Variants in GRIA4 observed in about 807,000 individuals in gnomAD.
GRIA4 encodes glutamate receptor 4.
Under a neutral mutation model 104.0 loss-of-function variants are expected in GRIA4, and 34 were observed. The ratio of observed to expected loss-of-function variants is 0.33; its 90% confidence interval spans 0.25 to 0.44. The LOEUF is 0.44. Ranked by LOEUF, GRIA4 falls within the 20% of genes least tolerant of loss-of-function variation. GRIA4 has a pLI of 1.00. For synonymous variants in GRIA4, 386 were observed against 381.9 expected (o/e 1.01, Z -0.13); for missense variants, 750 against 1,096.5 (o/e 0.68, Z 4.46).
At chr11:105,821,541 A>C (rs932093932) in intron 4 of GRIA4, among the ~76,000 whole-genome samples, 6 of 151,834 alleles carry the variant, frequency 4.0e-5, no homozygotes, top group African/African-American at 1.5e-4. Context: ...GGAGCAAGAG[A>C]GAGAGGGCGG....
At chr11:105,852,735 A>G (rs1313355373) in intron 4 of GRIA4, among the ~76,000 whole-genome samples, 1 of 152,170 alleles carries the variant, frequency 6.6e-6, no homozygotes, top group Non-Finnish European at 1.5e-5. Flanking sequence ...AATTAGGCGA[A>G]TCATATGGTG....
At position 105,931,932 on chromosome 11, in the gene GRIA4, C is replaced by A. The variant is rs539574427; in HGVS notation, c.2047-1790C>A. Among the ~76,000 whole-genome samples, 3 of 152,198 alleles carry A rather than the reference C, an allele frequency of 2.0e-5. No individual in the cohort carries two copies. The East Asian group carries it at 5.8e-4, about 29-fold the overall frequency. Reference sequence around the variant, plus strand: ...AAGTTATATGTTGATTAGTAAAGAACTGCCTCTTGTTGAATTCTATATTTT... The same window carrying A: ...AAGTTATATGTTGATTAGTAAAGAAATGCCTCTTGTTGAATTCTATATTTT... On this transcript the variant is annotated intron_variant, in intron 13 of 16. Transcript: ENST00000282499.
intron 4 of GRIA4, 149 bp downstream of exon 4, chr11:105,753,369 G>A (rs1189754326): frequency 5.5e-6 from 4 of 728,566 alleles, no homozygotes; most frequent in Non-Finnish European, 9.1e-6. Context: ...TTGACTCTGG[G>A]GAAAAATTTC....
chr11:105,639,233 C>T (rs948820420), intron 3 of GRIA4, among the ~76,000 whole-genome samples: 3 of 152,032 alleles, frequency 2.0e-5, no homozygotes, highest in African/African-American at 4.8e-5. Flanking sequence ...ATTAAGTTCA[C>T]TGATTTACTT....
chr11:105,634,529 A>AAGAAAGAAAAG (rs1224797169), intron 3 of GRIA4, among the ~76,000 whole-genome samples: 3 of 90,182 alleles, frequency 3.3e-5, no homozygotes, highest in South Asian at 3.7e-4. Context: ...AGAAAGAAAG[A>AAGAAAGAAAAG]AAAGAAAGAA....
At chr11:105,914,965 C>G (rs761169108) in intron 10 of GRIA4, among the ~76,000 whole-genome samples, 4 of 152,006 alleles carry the variant, frequency 2.6e-5, no homozygotes, top group Non-Finnish European at 4.4e-5. Context: ...TGTATTAACT[C>G]TAATATGAAG....
chr11:105,656,653 T>C lies in GRIA4; in HGVS notation c.247+44219T>C, dbSNP rs142043370. Among the ~76,000 whole-genome samples, 320 of 152,096 alleles carry C rather than the reference T, an allele frequency of 2.1e-3. 2 individuals are homozygous for C. The highest frequency in any genetic ancestry group is 7.0e-3 in the African/African-American group (292 of 41,518). On this transcript the variant is annotated intron_variant, in intron 3 of 16. Coordinates refer to ENST00000282499, the MANE Select transcript of GRIA4 (RefSeq NM_000829.4). Reference sequence around the variant, plus strand: ...ACAAAGGGAGCATTTCTTTAAGGCGTTTAGATTTTTTTTGTTTGACTTATT... The same window carrying C: ...ACAAAGGGAGCATTTCTTTAAGGCGCTTAGATTTTTTTTGTTTGACTTATT...
intron 4 of GRIA4, among the ~76,000 whole-genome samples, chr11:105,808,110 G>A (rs181286636): frequency 1.3e-4 from 19 of 151,756 alleles, no homozygotes; most frequent in Non-Finnish European, 2.4e-4. Flanking sequence ...AGTGTTGTTC[G>A]TGTGTGTGTG....
intron 4 of GRIA4, among the ~76,000 whole-genome samples, chr11:105,788,507 T>C (rs1942072874): frequency 6.6e-6 from 1 of 152,154 alleles, no homozygotes; most frequent in South Asian, 2.1e-4. Context: ...CCATTAATGG[T>C]TGACTGTATT....
chr11:105,892,330 G>T (rs2136111535), intron 6 of GRIA4, among the ~76,000 whole-genome samples: 1 of 152,174 alleles, frequency 6.6e-6, no homozygotes, highest in Non-Finnish European at 1.5e-5. Context: ...TTCTCCTTTA[G>T]ATTTTTTATT....
Position 105,910,460 on chromosome 11 carries a change from A to G in GRIA4, c.1184A>G (p.Lys395Arg). 1 of 1,588,340 alleles carries G rather than the reference A, an allele frequency of 6.3e-7. No homozygotes were observed. The highest frequency in any genetic ancestry group is 8.6e-7 in the Non-Finnish European group (1 of 1,156,630). Reference sequence around the variant, plus strand: ...GTTGGTTACTGGAATGATATGGATAAGTTAGTCTTGATTCAAGATGTACCA... The same window carrying G: ...GTTGGTTACTGGAATGATATGGATAGGTTAGTCTTGATTCAAGATGTACCA... Reference protein sequence around the residue: ...RKVGYWNDMDKLVLIQDVPTL... With the variant: ...RKVGYWNDMDRLVLIQDVPTL... The change falls in exon 10 of 17, where the codon AAG becomes AGG. Residue 395 changes from lysine (K) to arginine (R), a missense_variant. This residue lies in a region of GRIA4 where 410 missense variants were observed against 502.7 expected (regional missense o/e 0.82). Transcript: ENST00000282499.
intron 4 of GRIA4, among the ~76,000 whole-genome samples, chr11:105,836,370 G>T (rs959136737): frequency 1.3e-5 from 2 of 152,040 alleles, no homozygotes; most frequent in Non-Finnish European, 2.9e-5. Context: ...TCATTTTGAG[G>T]TGGCTTACTT....
intron 5 of GRIA4, among the ~76,000 whole-genome samples, chr11:105,865,426 G>A (rs1270180511): frequency 6.6e-6 from 1 of 152,132 alleles, no homozygotes; most frequent in Non-Finnish European, 1.5e-5. Flanking sequence ...AGTGTTTGCT[G>A]AATTTGTGAT....
chr11:105,761,700 T>A (rs1054272235), intron 4 of GRIA4, among the ~76,000 whole-genome samples: 1 of 152,216 alleles, frequency 6.6e-6, no homozygotes, highest in African/African-American at 2.4e-5. Context: ...AATATTTATG[T>A]GTCAAAAAAT....
chr11:105,680,796 C>CA (rs909704710), intron 3 of GRIA4, among the ~76,000 whole-genome samples: 4 of 152,148 alleles, frequency 2.6e-5, no homozygotes, highest in Non-Finnish European at 4.4e-5. Flanking sequence ...GGAGTGATTT[C>CA]TATCACCTTG....
At chr11:105,620,018 A>G (rs752785479) in intron 3 of GRIA4, among the ~76,000 whole-genome samples, 12 of 151,736 alleles carry the variant, frequency 7.9e-5, no homozygotes, top group Non-Finnish European at 1.8e-4. Context: ...ATTTTTATTT[A>G]TTCTCTTACT....
chr11:105,725,231 A>C (rs1938120829), intron 3 of GRIA4, among the ~76,000 whole-genome samples: 1 of 152,218 alleles, frequency 6.6e-6, no homozygotes, highest in Non-Finnish European at 1.5e-5. Context: ...AGTAGCAAGC[A>C]ACAAAATCTA....
At chr11:105,912,065 C>A in intron 10 of GRIA4, 3 of 1,127,392 alleles carry the variant, frequency 2.7e-6, no homozygotes, top group Non-Finnish European at 3.3e-6. Flanking sequence ...AGTTCTGTGA[C>A]TTTTCTGAGA....
intron 3 of GRIA4, among the ~76,000 whole-genome samples, chr11:105,709,302 G>A (rs1284493445): frequency 6.6e-6 from 1 of 152,028 alleles, no homozygotes; most frequent in East Asian, 1.9e-4. Context: ...AGATGGAGGA[G>A]AAGCTCCAGC....
Sources: allele counts gnomAD v4.1 joint callset (sites outside exome capture counted in the v4.1 genomes callset), GRCh38; gene constraint gnomAD v4.1.1; regional missense constraint gnomAD v4.1.1; transcripts MANE v1.5; gene names NCBI Gene and HGNC (gene_info 2026-07-23, HGNC 2026-07-21).